The following TEX14 variants were observed in gnomAD, a reference collection of about 807,000 sequenced individuals.
TEX14 encodes the protein testis expressed 14, intercellular bridge forming factor.
In TEX14, 168 loss-of-function variants were observed where a neutral mutation model predicts 178.6. The observed-to-expected ratio is 0.94, with a 90% CI of 0.83 to 1.07. TEX14 has a LOEUF of 1.07. Ranked by LOEUF, TEX14 falls within the 50% of genes least tolerant of loss-of-function variation. The pLI is 0.00. For synonymous variants in TEX14, 626 were observed against 634.1 expected, an observed-to-expected ratio of 0.99 and a Z score of 0.19; for missense variants, 1,730 against 1,753.6, an observed-to-expected ratio of 0.99 and a Z score of 0.24.
At chr17:58,609,769 A>G (rs1455268632) in intron 10 of TEX14, among the ~76,000 whole-genome samples, 1 of 152,218 alleles carries the variant, frequency 6.6e-6, no homozygotes, top group African/African-American at 2.4e-5. Flanking sequence ...TTCAAAAAAC[A>G]TATGCTGAGT....
At chr17:58,619,733 C>A (rs1479209006) in intron 5 of TEX14, among the ~76,000 whole-genome samples, 1 of 141,980 alleles carries the variant, frequency 7.0e-6, no homozygotes, top group Non-Finnish European at 1.5e-5. Flanking sequence ...ACCCAGGAGA[C>A]AGAGGTTGTG....
At chr17:58,559,653 C>G in intron 29 of TEX14, 91 bp from the exon 30 acceptor site, 1 of 704,630 alleles carries the variant, frequency 1.4e-6, no homozygotes, top group South Asian at 1.7e-5. Flanking sequence ...ACAACAACAA[C>G]AACAACAACA....
At chr17:58,558,039 T>G (rs2044185797) in intron 30 of TEX14, among the ~76,000 whole-genome samples, 189 bp from the exon 31 acceptor site, 1 of 152,230 alleles carries the variant, frequency 6.6e-6, no homozygotes, top group Non-Finnish European at 1.5e-5. Flanking sequence ...ATTCTATAGT[T>G]TTCTGCCACA....
Position 58,569,097 on chromosome 17 carries a change from T to A in TEX14, c.3886+95A>T. On this transcript the variant is annotated intron_variant, in intron 26 of 31. Coordinates refer to ENST00000349033, the MANE Select transcript of TEX14 (RefSeq NM_031272.5). This position sits in a 1 kb window ranked among gnomAD's most constrained non-coding sequence, Gnocchi z 4.1. The stretch of plus-strand genomic sequence containing the variant: ...AACCAGGCCATCATACAGCCTTTTA[T>A]ACTAGTGTTCACACTTGAGACAAAG... 9.4e-7 allele frequency: 1 copy of A among 1,063,152 alleles called. No homozygotes were observed. 65.9% of individuals were successfully genotyped at this position (1,063,152 alleles called of 1,614,324 possible).
intron 2 of TEX14, among the ~76,000 whole-genome samples, chr17:58,644,057 A>G (rs769067680): frequency 1.3e-5 from 2 of 151,884 alleles, no homozygotes; most frequent in Non-Finnish European, 2.9e-5. Context: ...AGACCAAGCT[A>G]TGATAGAGGT....
At chr17:58,562,822 A>G (rs983587920) in intron 28 of TEX14, among the ~76,000 whole-genome samples, 3 of 149,856 alleles carry the variant, frequency 2.0e-5, no homozygotes, top group African/African-American at 7.3e-5. Context: ...CTGTAATGTC[A>G]GCACTTTGGG....
chr17:58,663,752 G>C (rs1406384445), intron 1 of TEX14, among the ~76,000 whole-genome samples: 1 of 152,140 alleles, frequency 6.6e-6, no homozygotes, highest in Non-Finnish European at 1.5e-5. Flanking sequence ...ACAGGCATGA[G>C]CCAATGTGCC....
At chr17:58,557,994 T>C (rs552596600) in intron 30 of TEX14, 144 bp from the exon 31 acceptor site, 11 of 577,150 alleles carry the variant, frequency 1.9e-5, no homozygotes, top group Non-Finnish European at 3.3e-5. Flanking sequence ...ATAGACTCTT[T>C]CTAAAAACAC....
At chr17:58,579,793 G>T in intron 19 of TEX14, 62 bp from the exon 20 acceptor site, 3 of 1,282,384 alleles carry the variant, frequency 2.3e-6, no homozygotes, top group Non-Finnish European at 2.2e-6. Context: ...ATATTAAAAG[G>T]TCAATAATTT....
intron 1 of TEX14, among the ~76,000 whole-genome samples, chr17:58,671,146 T>C (rs1479609931): frequency 6.6e-6 from 1 of 152,220 alleles, no homozygotes; most frequent in Non-Finnish European, 1.5e-5. Flanking sequence ...CAGATCTGTC[T>C]TCACTAATTC....
rs1230978598 is a variant in TEX14 at position 58,603,668 on chromosome 17, T to C, written c.1337-1078A>G. On this transcript the variant is annotated intron_variant, in intron 11 of 31. Coordinates refer to ENST00000349033, the MANE Select transcript of TEX14 (RefSeq NM_031272.5). ...AGGAGATCCAGACCATCCTGGCTAA[T>C]ACGGTGAAACCCCGTCTGTACTAAA... 2.7e-5 allele frequency among the ~76,000 whole-genome samples: 4 copies of C among 150,652 alleles called. No homozygotes were observed. The South Asian group carries it at 8.4e-4, about 32-fold the overall frequency.
chr17:58,599,887 A>G (rs1035340878), intron 13 of TEX14, among the ~76,000 whole-genome samples: 36 of 152,196 alleles, frequency 2.4e-4, no homozygotes, highest in African/African-American at 8.7e-4. Context: ...GGAATGAGGC[A>G]GAAATTGTTG....
chr17:58,659,228 A>C (rs2047048782), intron 1 of TEX14: 1 of 469,622 alleles, frequency 2.1e-6, no homozygotes, highest in East Asian at 1.7e-4. Flanking sequence ...TCGCGGGAGC[A>C]AACACATAGT....
chr17:58,647,004 C>T (rs2046724716), intron 2 of TEX14, among the ~76,000 whole-genome samples: 2 of 151,612 alleles, frequency 1.3e-5, no homozygotes, highest in African/African-American at 4.8e-5. Flanking sequence ...CTCCAGAGTT[C>T]AAGCGATTCT....
intron 2 of TEX14, among the ~76,000 whole-genome samples, chr17:58,636,860 C>A (rs189276390): frequency 6.6e-6 from 1 of 151,584 alleles, no homozygotes; most frequent in Admixed American, 6.6e-5. Context: ...TTGCAGTGAG[C>A]TGAGATCGCG....
At position 58,558,736 on chromosome 17, in the gene TEX14, T is replaced by C. The variant is rs148846619; in HGVS notation, c.4267+717A>G. Among the ~76,000 whole-genome samples the C allele has an allele frequency of 8.9e-3, 1,348 of 152,282 alleles. 11 individuals are homozygous for C. The highest frequency in any genetic ancestry group is 0.012 in the Non-Finnish European group (826 of 68,010). ...AAGCCTTCAAAATCTATCAAAATAG[T>C]TTTAAAATTAAGGTTAATTTATAAT... On this transcript the variant is annotated intron_variant, in intron 30 of 31. Coordinates refer to ENST00000349033, the MANE Select transcript of TEX14 (RefSeq NM_031272.5).
chr17:58,605,924 TGTAC>T (rs2045596693), intron 10 of TEX14, among the ~76,000 whole-genome samples: 1 of 152,210 alleles, frequency 6.6e-6, no homozygotes, highest in Non-Finnish European at 1.5e-5. Context: ...TTTATATCAC[TGTAC>T]TTCTGGGCTT....
At chr17:58,644,015 C>T (rs1022961956) in intron 2 of TEX14, among the ~76,000 whole-genome samples, 18 of 151,410 alleles carry the variant, frequency 1.2e-4, no homozygotes, top group African/African-American at 3.4e-4. Context: ...CTATTCACAC[C>T]TGTGTTACAT....
In TEX14 at chr17:58,572,253, A is replaced by AAAACAAAC. The variant is rs10684412; in HGVS notation, c.3512-135_3512-128dup. ...GCAGAAATGAATCTTTTACATTATT[A>AAAACAAAC]AAACAAACAAACAAACAAACAAACA... On this transcript the variant is annotated intron_variant, in intron 23 of 31. Coordinates refer to ENST00000349033, the MANE Select transcript of TEX14 (RefSeq NM_031272.5). 2,309 of 588,836 alleles carry AAAACAAAC rather than the reference A, an allele frequency of 3.9e-3. 12 individuals are homozygous for AAAACAAAC. Among genetic ancestry groups the AAAACAAAC allele is most frequent in the African/African-American group, 0.013 (708 of 53,282 alleles). 36.5% of individuals were successfully genotyped at this position (588,836 alleles called of 1,614,324 possible). A position where few individuals can be genotyped will look rare whatever the true frequency, so the allele number is the denominator to read the frequency against.
Sources: allele counts gnomAD v4.1 joint callset (sites outside exome capture counted in the v4.1 genomes callset), GRCh38; gene constraint gnomAD v4.1.1; non-coding constraint Gnocchi (gnomAD v3.1); transcripts MANE v1.5; gene names NCBI Gene and HGNC (gene_info 2026-07-23, HGNC 2026-07-21).